The following DGKA variants were observed in gnomAD, a reference collection of about 807,000 sequenced individuals.
DGKA encodes diacylglycerol kinase alpha.
In DGKA, 35 loss-of-function variants were observed where a neutral mutation model predicts 105.0. The observed-to-expected ratio is 0.33, with a 90% CI of 0.25 to 0.44. The LOEUF (loss-of-function observed/expected upper bound fraction) is 0.44, where lower values mean the gene tolerates loss of function less well. Ranked by LOEUF, DGKA falls within the 20% of genes least tolerant of loss-of-function variation. DGKA has a pLI of 1.00. For missense variants in DGKA, 665 were observed against 915.0 expected (o/e 0.73, Z 3.53); for synonymous variants, 296 against 332.0 (o/e 0.89, Z 1.18).
Position 55,938,917 on chromosome 12 carries a change from A to T in DGKA, c.402A>T (p.Glu134Asp). 6.2e-7 allele frequency: 1 copy of T among 1,614,226 alleles called. No individual in the cohort carries two copies. Among genetic ancestry groups the T allele is most frequent in the South Asian group, 1.1e-5 (1 of 91,082 alleles). ...GGCTCTTGCCCTTTTTGCTCCAGGA[A>T]GTGGACAAAATTATCCTACAGATGA... ...TDRNGILDSS[E>D]VDKIILQMMR... The change falls in exon 7 of 24, where the codon GAA becomes GAT. Residue 134 changes from glutamate to aspartate, a missense_variant and splice_region_variant. By Grantham distance (45) the Glu-to-Asp change is conservative. Around this residue, in one of 3 missense-constraint regions of DGKA, gnomAD observed 504 missense variants for 681.2 expected, o/e 0.74. Coordinates refer to ENST00000331886, the MANE Select transcript of DGKA (RefSeq NM_001345.5).
chr12:55,936,126 G>C, intron 1 of DGKA: 1 of 769,118 alleles, frequency 1.3e-6, no homozygotes, highest in Non-Finnish European at 1.6e-6. Flanking sequence ...AGCCGGGTGC[G>C]GGTGGGAAGG....
chr12:55,937,301 A>G, intron 3 of DGKA, 107 bp from the exon 4 acceptor site: 1 of 1,375,996 alleles, frequency 7.3e-7, no homozygotes, highest in Non-Finnish European at 1.0e-6. Context: ...CCTGCCTCAG[A>G]TGCTTCTCAG....
At chr12:55,937,283 A>G in intron 3 of DGKA, 125 bp from the exon 4 acceptor site, 1 of 1,297,094 alleles carries the variant, frequency 7.7e-7, no homozygotes, top group East Asian at 2.3e-5. Context: ...AATCAAAGAA[A>G]CCATACTCCT....
chr12:55,946,329 C>T (rs890601781), intron 17 of DGKA, among the ~76,000 whole-genome samples: 8 of 151,732 alleles, frequency 5.3e-5, no homozygotes, highest in Non-Finnish European at 5.9e-5. Context: ...TGCTACAACA[C>T]CTGGCTAATT....
chr12:55,933,170 C>T (rs1883991854), intron 1 of DGKA, among the ~76,000 whole-genome samples: 1 of 152,190 alleles, frequency 6.6e-6, no homozygotes, highest in Non-Finnish European at 1.5e-5. Flanking sequence ...GTGGAATGTA[C>T]TAAGGATGGG....
intron 18 of DGKA, 83 bp downstream of exon 18, chr12:55,951,866 A>G (rs1485037655): frequency 6.5e-7 from 1 of 1,546,940 alleles, no homozygotes; most frequent in Admixed American, 1.8e-5. Flanking sequence ...AAGGAGGGGG[A>G]GGTTAAGTGA....
Position 55,940,225 on chromosome 12 carries a change from T to TGGCCCTTGGCCCATTGCTGCCCTC in DGKA, c.798+56_799-65dup. 3 of 1,613,702 alleles carry TGGCCCTTGGCCCATTGCTGCCCTC rather than the reference T, an allele frequency of 1.9e-6. No homozygotes were observed. Among genetic ancestry groups the TGGCCCTTGGCCCATTGCTGCCCTC allele is most frequent in the Non-Finnish European group, 2.5e-6 (3 of 1,179,554 alleles). On this transcript the variant is annotated intron_variant, in intron 10 of 23. Transcript: ENST00000331886. The surrounding 1 kb of genome is among the most constrained non-coding windows in gnomAD (Gnocchi z 4.3). ...ATCACCTACATCCTGGCCCTGGCCC[T>TGGCCCTTGGCCCATTGCTGCCCTC]GGCCCTTGGCCCATTGCTGCCCTCA...
chr12:55,933,866 T>C (rs1333486627), intron 1 of DGKA, among the ~76,000 whole-genome samples: 6 of 152,226 alleles, frequency 3.9e-5, no homozygotes, highest in Admixed American at 1.3e-4. Context: ...ACTACCCTTG[T>C]GTAATAATGA....
At chr12:55,947,270 C>A (rs1390717735) in intron 17 of DGKA, among the ~76,000 whole-genome samples, 1 of 152,134 alleles carries the variant, frequency 6.6e-6, no homozygotes, top group African/African-American at 2.4e-5. Context: ...CAGATGTAAG[C>A]CACTGCGCCC....
At chr12:55,938,660 TG>T (rs1479902218) in intron 6 of DGKA, 100 bp downstream of exon 6, 1 of 1,607,778 alleles carries the variant, frequency 6.2e-7, no homozygotes, top group South Asian at 1.1e-5. Context: ...CAGAAGAGGA[TG>T]GGGGGAGAGG....
chr12:55,927,401 A>C (rs1375912738), upstream of DGKA: 5 of 712,996 alleles, frequency 7.0e-6, no homozygotes, highest in East Asian at 8.0e-5. Flanking sequence ...ATCCCCAGGA[A>C]CTCCTCGTAC....
intron 17 of DGKA, among the ~76,000 whole-genome samples, chr12:55,946,299 T>C (rs1565754306): frequency 6.6e-6 from 1 of 152,136 alleles, no homozygotes; most frequent in East Asian, 1.9e-4. Flanking sequence ...GCCTCCCTAG[T>C]AGCTGGGATT....
chr12:55,940,178 A>G lies in DGKA; in HGVS notation c.798+8A>G, dbSNP rs780045941. On this transcript the variant is annotated splice_region_variant and intron_variant, in intron 10 of 23. Coordinates refer to ENST00000331886, the MANE Select transcript of DGKA (RefSeq NM_001345.5). The surrounding 1 kb of genome is among the most constrained non-coding windows in gnomAD (Gnocchi z 4.3). ...TCTCGGAAGGACATTGGTGTGAGTG[A>G]TCTCATGCCTCCACCCCCAACATCA... The G allele has an allele frequency of 3.1e-6, 5 of 1,613,890 alleles. No individual in the cohort carries two copies. In the South Asian group the frequency reaches 5.5e-5, roughly 18 times the overall value.
At chr12:55,942,322 G>C (rs1886187824) in intron 17 of DGKA, 59 bp downstream of exon 17, 4 of 1,530,282 alleles carry the variant, frequency 2.6e-6, no homozygotes, top group East Asian at 4.5e-5. Flanking sequence ...GAAGGGAAAG[G>C]CACTTAGAGA....
At chr12:55,928,953 C>G (rs929805164), upstream of DGKA, among the ~76,000 whole-genome samples, 1 of 151,680 alleles carries the variant, frequency 6.6e-6, no homozygotes, top group African/African-American at 2.4e-5. Context: ...GTCAGGAGTT[C>G]GAGACCAGCC....
At chr12:55,927,672 C>T (rs564024275), upstream of DGKA, 6 of 1,536,142 alleles carry the variant, frequency 3.9e-6, no homozygotes, top group South Asian at 6.0e-5. Flanking sequence ...CACTCAACCA[C>T]CAGAGACCCG....
chr12:55,945,745 T>C (rs1422275071), intron 17 of DGKA, among the ~76,000 whole-genome samples: 2 of 152,098 alleles, frequency 1.3e-5, no homozygotes, highest in Admixed American at 6.6e-5. Context: ...TGTGATTACA[T>C]TGGTACCACC....
intron 23 of DGKA, 62 bp from the exon 24 acceptor site, chr12:55,953,621 ATC>A (rs1441820209): frequency 3.2e-6 from 5 of 1,548,274 alleles, no homozygotes; most frequent in Non-Finnish European, 4.5e-6. Flanking sequence ...TTCCCTCTAA[ATC>A]TCTGAAGCCA....
chr12:55,942,081 T>C lies in DGKA; in HGVS notation c.1334T>C (p.Ile445Thr). The change falls in exon 16 of 24, where the codon ATT (isoleucine) becomes ACT (threonine). Residue 445 changes from isoleucine (I) to threonine (T), a missense_variant and splice_region_variant. Around this residue, in one of 3 missense-constraint regions of DGKA, gnomAD observed 504 missense variants for 681.2 expected, o/e 0.74. Coordinates refer to ENST00000331886, the MANE Select transcript of DGKA (RefSeq NM_001345.5). Reference sequence around the variant, plus strand: ...ACAGTAGGCTGGATTCTAGAGACCATTGGTCAGTGCAGGGAGGGGCGTGGG... The same window carrying C: ...ACAGTAGGCTGGATTCTAGAGACCACTGGTCAGTGCAGGGAGGGGCGTGGG... ...DGTVGWILETIDKANLPVLPP... is the reference protein window; with the variant it reads ...DGTVGWILETTDKANLPVLPP... The C allele has an allele frequency of 1.2e-6, 2 of 1,614,120 alleles. No homozygotes were observed. Among genetic ancestry groups the C allele is most frequent in the Non-Finnish European group, 1.7e-6 (2 of 1,179,998 alleles).
Sources: gnomAD v4.1 joint callset for allele counts (sites outside exome capture counted in the v4.1 genomes callset) on GRCh38, gnomAD v4.1.1 for gene constraint, gnomAD v4.1.1 regional missense constraint, Gnocchi (gnomAD v3.1) non-coding constraint, MANE v1.5 for transcripts, NCBI Gene and HGNC (gene_info 2026-07-23, HGNC 2026-07-21) for gene names.